Variants in REPS2 observed in about 807,000 individuals in gnomAD.
REPS2 encodes RALBP1 associated Eps domain containing 2, also known as ralBP1-associated Eps domain-containing protein 2.
Under a neutral mutation model 53.6 loss-of-function variants are expected in REPS2, and 23 were observed. The observed-to-expected ratio is 0.43, with a 90% CI of 0.31 to 0.61. The LOEUF (loss-of-function observed/expected upper bound fraction) is 0.61, where lower values mean the gene tolerates loss of function less well. REPS2 is among the 20% of genes least tolerant of loss of function. The probability of loss-of-function intolerance (pLI) is 0.11; values close to 1 mark genes in which losing one functional copy is unlikely to be tolerated. For missense variants in REPS2, 446 were observed against 534.9 expected (o/e 0.83, Z 1.64); for synonymous variants, 238 against 218.6 (o/e 1.09, Z -0.78).
intron 13 of REPS2, among the ~76,000 whole-genome samples, chrX:17,102,273 G>T (rs912618672): frequency 9.0e-6 from 1 of 110,545 alleles, no homozygotes; most frequent in African/African-American, 3.3e-5. Flanking sequence ...GTAGATAAGG[G>T]GTTTATCCAT....
intron 10 of REPS2, 41 bp downstream of exon 10, chrX:17,068,512 C>T (rs1326760987): frequency 1.9e-6 from 2 of 1,049,807 alleles, no homozygotes; most frequent in South Asian, 2.0e-5. Context: ...CAGCGTTCTA[C>T]CTGTTACCTT....
At position 16,960,405 on chromosome X, in the gene REPS2, A is replaced by G. The variant is rs146809115; in HGVS notation, c.273+13271A>G. On this transcript the variant is annotated intron_variant, in intron 1 of 17. Coordinates refer to ENST00000357277, the MANE Select transcript of REPS2 (RefSeq NM_004726.3). ...GAGAGAAAAACCCATGATCATTTCA[A>G]TACATGTAGAAATAGCATTTGACAA... 4.4e-3 allele frequency among the ~76,000 whole-genome samples: 495 copies of G among 112,157 alleles called. 1 individual carries two copies. The highest frequency in any genetic ancestry group is 0.015 in the African/African-American group (454 of 30,911).
chrX:17,053,786 A>C (rs2062032232), intron 7 of REPS2, among the ~76,000 whole-genome samples: 1 of 112,068 alleles, frequency 8.9e-6, no homozygotes, highest in African/African-American at 3.2e-5. Flanking sequence ...TGAAAGCTGA[A>C]TGGTATTCTT....
At chrX:17,077,131 G>GCCA (rs2062391511) in intron 12 of REPS2, 140 bp from the exon 13 acceptor site, 1 of 583,609 alleles carries the variant, frequency 1.7e-6, no homozygotes, top group African/African-American at 2.3e-5. Context: ...CATTCAATGG[G>GCCA]TAATAGAATT....
At chrX:16,979,618 A>G (rs1164995713) in intron 1 of REPS2, among the ~76,000 whole-genome samples, 1 of 111,999 alleles carries the variant, frequency 8.9e-6, no homozygotes, top group African/African-American at 3.2e-5. Flanking sequence ...ATTAACATTT[A>G]TTTAATGTTA....
chrX:17,024,117 C>G (rs1427803860), intron 3 of REPS2, among the ~76,000 whole-genome samples: 2 of 91,273 alleles, frequency 2.2e-5, no homozygotes, highest in African/African-American at 8.7e-5. Context: ...AGCAAGACCT[C>G]ATTTCAAAAA....
At chrX:17,055,868 T>C (rs1467076358) in intron 8 of REPS2, among the ~76,000 whole-genome samples, 5 of 93,676 alleles carry the variant, frequency 5.3e-5, no homozygotes, top group South Asian at 6.4e-4. Context: ...GGGATAGCAT[T>C]GGGAGATATA....
intron 17 of REPS2, among the ~76,000 whole-genome samples, chrX:17,146,823 C>T (rs183512394): frequency 1.4e-4 from 16 of 111,861 alleles, no homozygotes; most frequent in African/African-American, 4.2e-4. Flanking sequence ...CAAAAAAATC[C>T]GTTTTAGGCC....
chrX:17,133,400 TAG>T (rs1207507816), intron 14 of REPS2, among the ~76,000 whole-genome samples: 1 of 112,014 alleles, frequency 8.9e-6, no homozygotes, highest in Non-Finnish European at 1.9e-5. Context: ...ACACTGCTCA[TAG>T]AGTATTTCTT....
rs750910189 is a variant in REPS2 at position 17,149,016 on chromosome X, G to T, written c.*1535G>T. ...GGCAAGCTTTATCAATAGCTTAATGGCAGAGGATAAAGGCTCAAACAGATG... is the reference window on the plus strand; with the variant it reads ...GGCAAGCTTTATCAATAGCTTAATGTCAGAGGATAAAGGCTCAAACAGATG... On this transcript the variant is annotated 3_prime_UTR_variant, in exon 18 of 18. Coordinates refer to ENST00000357277, the MANE Select transcript of REPS2 (RefSeq NM_004726.3). 1.9e-5 allele frequency: 7 copies of T among 373,710 alleles called. No individual in the cohort carries two copies. The highest frequency in any genetic ancestry group is 9.4e-5 in the South Asian group (4 of 42,383). The allele number at this position is 373,710 out of a possible 1,213,427, so 30.8% of individuals were successfully genotyped here.
chrX:16,954,871 C>T (rs756838655), intron 1 of REPS2, among the ~76,000 whole-genome samples: 7 of 92,109 alleles, frequency 7.6e-5, no homozygotes, highest in South Asian at 5.9e-4. Flanking sequence ...AGTGCAGTGG[C>T]GCAAGGTCGG....
intron 1 of REPS2, among the ~76,000 whole-genome samples, chrX:16,961,767 TATATA>T (rs1186299606): frequency 8.9e-6 from 1 of 111,787 alleles, no homozygotes; most frequent in Non-Finnish European, 1.9e-5. Flanking sequence ...ATATCAAAAA[TATATA>T]AGGAACTCCC....
At chrX:17,169,466 G>A in the REPS2 span, among the ~76,000 whole-genome samples, 1 of 111,307 alleles carries the variant, frequency 9.0e-6, no homozygotes, top group Non-Finnish European at 1.9e-5. Flanking sequence ...GATCACTTGA[G>A]CCCAGGAGTT....
At chrX:17,079,672 A>G (rs1355782997) in intron 13 of REPS2, among the ~76,000 whole-genome samples, 1 of 112,058 alleles carries the variant, frequency 8.9e-6, no homozygotes, top group Non-Finnish European at 1.9e-5. Context: ...TTAGACAAAT[A>G]ATAGCTAGGT....
At chrX:17,191,175 G>A in the REPS2 span, among the ~76,000 whole-genome samples, 1 of 111,780 alleles carries the variant, frequency 8.9e-6, no homozygotes, top group Non-Finnish European at 1.9e-5. Context: ...GTAAAGACAA[G>A]CAGATTGAAA....
Position 17,147,532 on chromosome X carries a change from C to T in REPS2, c.*51C>T, listed in dbSNP as rs1264792289. 3.6e-5 allele frequency: 37 copies of T among 1,018,953 alleles called. No homozygotes were observed. Among genetic ancestry groups the T allele is most frequent in the Non-Finnish European group, 4.5e-5 (33 of 738,232 alleles). The allele number at this position is 1,018,953 out of a possible 1,213,427, so 84.0% of individuals were successfully genotyped here. On this transcript the variant is annotated 3_prime_UTR_variant, in exon 18 of 18. Transcript: ENST00000357277. ...GGTGACCTTGTCTGCCAAGATCTTT[C>T]TTTTGAATGTTTTGAACCCAACTAC...
At chrX:17,076,643 G>T (rs1451730982) in intron 12 of REPS2, among the ~76,000 whole-genome samples, 1 of 112,115 alleles carries the variant, frequency 8.9e-6, no homozygotes, top group East Asian at 2.8e-4. Context: ...GATATTACCA[G>T]AGTTACAATC....
chrX:16,969,078 A>G (rs1263127833), intron 1 of REPS2, among the ~76,000 whole-genome samples: 3 of 103,164 alleles, frequency 2.9e-5, no homozygotes, highest in Non-Finnish European at 6.0e-5. Flanking sequence ...CGCTCCTCAC[A>G]TCCCGGATGG....
chrX:17,128,734 C>T (rs765899018), intron 14 of REPS2, among the ~76,000 whole-genome samples: 2 of 112,846 alleles, frequency 1.8e-5, no homozygotes, highest in African/African-American at 3.2e-5. Context: ...GTCCCATCAA[C>T]CATGGGAATG....
Sources: gnomAD v4.1 joint callset for allele counts (sites outside exome capture counted in the v4.1 genomes callset) on GRCh38, gnomAD v4.1.1 for gene constraint, MANE v1.5 for transcripts, NCBI Gene and HGNC (gene_info 2026-07-23, HGNC 2026-07-21) for gene names.